NTM: variants seen among roughly 807,000 people sequenced by gnomAD.
NTM encodes IgLON family member 2.
NTM carries 13 observed loss-of-function variants against 42.1 expected under a neutral mutation model. That is an observed-to-expected ratio of 0.31 (90% confidence interval 0.20 to 0.49). NTM has a LOEUF of 0.49. Among genes scored for constraint, NTM ranks in the 20% least tolerant of loss-of-function variants. The pLI is 0.99. For missense variants in NTM, 373 were observed against 452.8 expected (o/e 0.82, Z 1.60); for synonymous variants, 187 against 179.2 (o/e 1.04, Z -0.35).
At chr11:131,592,862 A>T (rs1483354734) in intron 1 of NTM, among the ~76,000 whole-genome samples, 2 of 152,102 alleles carry the variant, frequency 1.3e-5, no homozygotes, top group East Asian at 3.9e-4. Context: ...CTCAGAGCAG[A>T]TGTGCAGCAG....
At chr11:131,414,593 G>C (rs976979440) in intron 1 of NTM, among the ~76,000 whole-genome samples, 4 of 152,188 alleles carry the variant, frequency 2.6e-5, no homozygotes, top group African/African-American at 9.6e-5. Context: ...ACTCTGTGAG[G>C]TTCTTTGGAT....
At position 131,822,314 on chromosome 11, in the gene NTM, CAA is replaced by C. The variant is rs1176672255; in HGVS notation, c.83-89248_83-89247del. On this transcript the variant is annotated intron_variant, in intron 1 of 8. Coordinates refer to ENST00000683400, the MANE Select transcript of NTM (RefSeq NM_001352005.2). The stretch of plus-strand genomic sequence containing the variant: ...CCTCCACAATTCACCTGCTTGTCCC[CAA>C]AGACTCTCACGCAGCTTTCTTGAAT... Among the ~76,000 whole-genome samples the C allele has an allele frequency of 2.0e-5, 3 of 152,254 alleles. No homozygotes were observed. The South Asian group carries it at 6.2e-4, about 32-fold the overall frequency.
chr11:132,227,827 G>T (rs570099234), intron 4 of NTM, among the ~76,000 whole-genome samples: 4 of 152,212 alleles, frequency 2.6e-5, no homozygotes, highest in Admixed American at 2.6e-4. Context: ...GGATTCCACT[G>T]GGGATTGATA....
At chr11:131,970,395 G>A (rs796190527) in intron 2 of NTM, among the ~76,000 whole-genome samples, 6 of 152,162 alleles carry the variant, frequency 3.9e-5, no homozygotes, top group East Asian at 3.9e-4. Context: ...TGGACCTTCC[G>A]ATTTGGTACT....
At chr11:131,550,834 T>C (rs1414880658) in intron 1 of NTM, among the ~76,000 whole-genome samples, 2 of 152,130 alleles carry the variant, frequency 1.3e-5, no homozygotes, top group African/African-American at 2.4e-5. Flanking sequence ...ATACCCTGTC[T>C]ATTTAAAAAA....
intron 1 of NTM, among the ~76,000 whole-genome samples, chr11:131,731,114 C>G (rs1308008073): frequency 6.6e-6 from 1 of 152,086 alleles, no homozygotes; most frequent in Non-Finnish European, 1.5e-5. Context: ...TGGAACTGAT[C>G]TGACTGTTGG....
intron 1 of NTM, among the ~76,000 whole-genome samples, chr11:131,562,829 G>A (rs983359449): frequency 2.6e-5 from 4 of 152,120 alleles, no homozygotes; most frequent in East Asian, 3.8e-4. Context: ...TCTACCTGGC[G>A]ACAAACAGCC....
rs2063384617 is a variant in NTM, at chr11:132,112,728, C to T, written c.168-33554C>T. 2.1e-5 allele frequency among the ~76,000 whole-genome samples: 3 copies of T among 140,870 alleles called. No homozygotes were observed. The South Asian group carries it at 6.6e-4, about 31-fold the overall frequency. The allele number at this position is 140,870 out of a possible 152,430, so 92.4% of individuals were successfully genotyped here. On this transcript the variant is annotated intron_variant, in intron 2 of 8. Coordinates refer to ENST00000683400, the MANE Select transcript of NTM (RefSeq NM_001352005.2). Reference sequence around the variant, plus strand: ...CTGGGACTGCACACTTACACACACACACACACACACACACACACACACACA... The same window carrying T: ...CTGGGACTGCACACTTACACACACATACACACACACACACACACACACACA...
At chr11:131,554,781 C>T (rs972415135) in intron 1 of NTM, among the ~76,000 whole-genome samples, 1 of 152,120 alleles carries the variant, frequency 6.6e-6, no homozygotes, top group Non-Finnish European at 1.5e-5. Flanking sequence ...TTTTCCATCC[C>T]TTCCTTTTTG....
At chr11:132,079,467 A>T (rs1458053457) in intron 2 of NTM, among the ~76,000 whole-genome samples, 1 of 152,160 alleles carries the variant, frequency 6.6e-6, no homozygotes, top group Non-Finnish European at 1.5e-5. Context: ...TCCTGTTACC[A>T]TCGTTGTTAA....
intron 2 of NTM, among the ~76,000 whole-genome samples, chr11:132,115,630 T>C (rs1026024361): frequency 6.6e-6 from 1 of 152,182 alleles, no homozygotes; most frequent in African/African-American, 2.4e-5. Context: ...GATGCTCTGT[T>C]CTACGCACAG....
chr11:132,088,244 GGGGT>G (rs1193717211), intron 2 of NTM, among the ~76,000 whole-genome samples: 4 of 152,200 alleles, frequency 2.6e-5, no homozygotes, highest in Non-Finnish European at 4.4e-5. Context: ...GAGAGTGAGT[GGGGT>G]GGGGGACGTG....
intron 2 of NTM, among the ~76,000 whole-genome samples, chr11:132,105,562 A>G (rs191800277): frequency 6.6e-6 from 1 of 152,154 alleles, no homozygotes; most frequent in African/African-American, 2.4e-5. Context: ...TGGAGAAAAC[A>G]GTGGGAAGAG....
intron 1 of NTM, among the ~76,000 whole-genome samples, chr11:131,788,517 C>T (rs568501926): frequency 4.6e-5 from 7 of 152,002 alleles, no homozygotes; most frequent in African/African-American, 1.7e-4. Flanking sequence ...TTAGACCTTC[C>T]ATTCTACGTT....
At chr11:131,951,193 T>C (rs778118345) in intron 2 of NTM, among the ~76,000 whole-genome samples, 26 of 152,140 alleles carry the variant, frequency 1.7e-4, no homozygotes, top group Non-Finnish European at 3.5e-4. Flanking sequence ...AGAGGGGGAA[T>C]AAAAAGGCAT....
At chr11:132,125,111 C>T (rs1259967266) in intron 2 of NTM, among the ~76,000 whole-genome samples, 3 of 152,228 alleles carry the variant, frequency 2.0e-5, no homozygotes, top group Admixed American at 6.5e-5. Context: ...TATCTGTCTA[C>T]ACTCAGTCCC....
chr11:132,182,970 G>A (rs1207091470), intron 3 of NTM, among the ~76,000 whole-genome samples: 2 of 152,010 alleles, frequency 1.3e-5, no homozygotes, highest in African/African-American at 4.8e-5. Flanking sequence ...TTTCTGTAAG[G>A]CCCAAACACA....
chr11:132,213,189 G>T (rs973528489), intron 4 of NTM, among the ~76,000 whole-genome samples: 1 of 152,124 alleles, frequency 6.6e-6, no homozygotes, highest in African/African-American at 2.4e-5. Flanking sequence ...GATGGATGAA[G>T]GTGTGTGATT....
At chr11:131,752,540 T>C (rs2082698271) in intron 1 of NTM, among the ~76,000 whole-genome samples, 1 of 152,218 alleles carries the variant, frequency 6.6e-6, no homozygotes, top group African/African-American at 2.4e-5. Flanking sequence ...CATTACTGGG[T>C]ATATACCCAA....
Sources: allele counts gnomAD v4.1 joint callset (sites outside exome capture counted in the v4.1 genomes callset), GRCh38; gene constraint gnomAD v4.1.1; transcripts MANE v1.5; gene names NCBI Gene and HGNC (gene_info 2026-07-23, HGNC 2026-07-21).